CNTNAP2: variants seen among roughly 807,000 people sequenced by gnomAD.
CNTNAP2 encodes contactin associated protein 2.
In CNTNAP2, 98 loss-of-function variants were observed where a neutral mutation model predicts 155.2. That is an observed-to-expected ratio of 0.63 (90% CI 0.54 to 0.75). The LOEUF is 0.75. CNTNAP2 is among the 30% of genes least tolerant of loss of function. The pLI is 0.00. For synonymous variants in CNTNAP2, 651 were observed against 631.2 expected (o/e 1.03, Z -0.47); for missense variants, 1,727 against 1,688.1 (o/e 1.02, Z -0.40).
chr7:146,956,482 C>T (rs1182775308), intron 3 of CNTNAP2, among the ~76,000 whole-genome samples: 3 of 152,154 alleles, frequency 2.0e-5, no homozygotes, highest in Non-Finnish European at 4.4e-5. Context: ...CATTGGGTTT[C>T]AGCTGGGCTT....
In CNTNAP2 at chr7:147,286,018, C is replaced by T. The variant is rs182083215; in HGVS notation, c.1349-14123C>T. Among the ~76,000 whole-genome samples the T allele has an allele frequency of 1.6e-3, 249 of 152,030 alleles. 3 individuals are homozygous for T. The highest frequency in any genetic ancestry group is 5.7e-3 in the African/African-American group (238 of 41,488). On this transcript the variant is annotated intron_variant, in intron 8 of 23. Transcript: ENST00000361727. Reference sequence around the variant, plus strand: ...AGAAATTATAAATATGTACATAAAGCTATTTACATATCATTAGACCATACA... The same window carrying T: ...AGAAATTATAAATATGTACATAAAGTTATTTACATATCATTAGACCATACA...
intron 15 of CNTNAP2, among the ~76,000 whole-genome samples, chr7:148,009,146 T>C (rs1019608596): frequency 3.3e-5 from 5 of 152,214 alleles, no homozygotes; most frequent in Non-Finnish European, 7.4e-5. Context: ...TTAATACACC[T>C]AACCTACCAA....
chr7:146,293,785 A>G (rs1800469424), intron 1 of CNTNAP2, among the ~76,000 whole-genome samples: 1 of 152,184 alleles, frequency 6.6e-6, no homozygotes, highest in Non-Finnish European at 1.5e-5. Flanking sequence ...TATTATTAAT[A>G]TACTCTCAAA....
intron 1 of CNTNAP2, among the ~76,000 whole-genome samples, chr7:146,227,460 A>G (rs1038356313): frequency 1.3e-5 from 2 of 151,798 alleles, no homozygotes; most frequent in African/African-American, 2.4e-5. Flanking sequence ...GAAAAAGAAA[A>G]AAATCTTTAA....
chr7:147,944,057 G>A lies in CNTNAP2; in HGVS notation c.2256-33805G>A, dbSNP rs1800777322. Among the ~76,000 whole-genome samples the A allele has an allele frequency of 2.0e-5, 3 of 152,128 alleles. No individual in the cohort carries two copies. In the South Asian group the frequency reaches 6.2e-4, roughly 31 times the overall value. ...AAATGATGCCATCCTCAATGGGGAA[G>A]TTTCCCAGTCTATCAATCTCCATGC... On this transcript the variant is annotated intron_variant, in intron 14 of 23. Coordinates refer to ENST00000361727, the MANE Select transcript of CNTNAP2 (RefSeq NM_014141.6).
intron 1 of CNTNAP2, among the ~76,000 whole-genome samples, chr7:146,192,198 C>A (rs147206600): frequency 1.3e-5 from 2 of 152,098 alleles, no homozygotes; most frequent in Non-Finnish European, 2.9e-5. Context: ...CCACAACAAC[C>A]AATAACTTTA....
At chr7:147,498,216 G>A (rs1220578154) in intron 11 of CNTNAP2, among the ~76,000 whole-genome samples, 1 of 151,236 alleles carries the variant, frequency 6.6e-6, no homozygotes, top group African/African-American at 2.4e-5. Flanking sequence ...AGCTGACCAT[G>A]TGGCTGATTA....
At position 148,365,915 on chromosome 7, in the gene CNTNAP2, TGCATGTATACATGC is replaced by T. The variant is rs1363785049; in HGVS notation, c.3476-17732_3476-17719del. Among the ~76,000 whole-genome samples the T allele has an allele frequency of 2.9e-4, 4 of 13,778 alleles. 2 individuals carry two copies. Among genetic ancestry groups the T allele is most frequent in the Non-Finnish European group, 5.4e-4 (2 of 3,706 alleles). The allele number at this position is 13,778 out of a possible 152,430, so 9.0% of individuals were successfully genotyped here. A position where few individuals can be genotyped will look rare whatever the true frequency, so the allele number is the denominator to read the frequency against. On this transcript the variant is annotated intron_variant, in intron 21 of 23. Transcript: ENST00000361727. ...GTGTATGCATGTATACATGCGTGTATGCATGTATACATGCGTGTATGCATGTATACATGCGTGTA... is the reference window on the plus strand; with the variant it reads ...GTGTATGCATGTATACATGCGTGTATGTGTATGCATGTATACATGCGTGTA...
At chr7:148,060,360 T>G in intron 15 of CNTNAP2, among the ~76,000 whole-genome samples, 1 of 152,310 alleles carries the variant, frequency 6.6e-6, no homozygotes, top group Middle Eastern at 3.4e-3. Context: ...TATATTTACA[T>G]ACTATGTGTA....
chr7:146,466,954 A>G (rs1281372665), intron 1 of CNTNAP2, among the ~76,000 whole-genome samples: 1 of 152,174 alleles, frequency 6.6e-6, no homozygotes, highest in South Asian at 2.1e-4. Flanking sequence ...CCTCTTCAGT[A>G]ATATATTTTT....
rs111631350 is a variant in CNTNAP2 at position 147,404,818 on chromosome 7, A to G, written c.1670+9038A>G. Among the ~76,000 whole-genome samples, 73 of 152,292 alleles carry G rather than the reference A, an allele frequency of 4.8e-4. 1 individual carries two copies. The highest frequency in any genetic ancestry group is 1.7e-3 in the African/African-American group (71 of 41,574). ...AAGTATCACATACCCAGGCGAACCC[A>G]TGTTCAAGTCAGTTGCCTCTCTGAA... On this transcript the variant is annotated intron_variant, in intron 10 of 23. Transcript: ENST00000361727.
chr7:147,911,323 A>G (rs1563132488), intron 14 of CNTNAP2, among the ~76,000 whole-genome samples: 1 of 152,230 alleles, frequency 6.6e-6, no homozygotes, highest in Non-Finnish European at 1.5e-5. Context: ...CAGGGTTGCA[A>G]CATTTGCCAT....
At chr7:147,754,144 T>C (rs1433677420) in intron 13 of CNTNAP2, among the ~76,000 whole-genome samples, 1 of 152,122 alleles carries the variant, frequency 6.6e-6, no homozygotes, top group Non-Finnish European at 1.5e-5. Flanking sequence ...ATGAGACAAA[T>C]TGAAAATCAA....
At chr7:148,120,045 T>C (rs1363570353) in intron 16 of CNTNAP2, among the ~76,000 whole-genome samples, 1 of 151,702 alleles carries the variant, frequency 6.6e-6, no homozygotes, top group Non-Finnish European at 1.5e-5. Context: ...ATAAGTTGGA[T>C]CAAATTTTAG....
intron 13 of CNTNAP2, among the ~76,000 whole-genome samples, chr7:147,699,392 T>C (rs985445379): frequency 4.6e-5 from 7 of 151,262 alleles, no homozygotes; most frequent in Non-Finnish European, 1.0e-4. Context: ...TAAGTGGGAG[T>C]TGGACAATGA....
intron 1 of CNTNAP2, among the ~76,000 whole-genome samples, chr7:146,365,445 A>C (rs946811753): frequency 6.6e-6 from 1 of 152,162 alleles, no homozygotes; most frequent in African/African-American, 2.4e-5. Context: ...CTAAGCACTA[A>C]AACACTTATA....
intron 13 of CNTNAP2, among the ~76,000 whole-genome samples, chr7:147,901,135 C>T (rs144836125): frequency 1.0e-3 from 153 of 152,292 alleles, no homozygotes; most frequent in African/African-American, 3.3e-3. Flanking sequence ...CCAGCTATAA[C>T]TCCTGAACCT....
intron 5 of CNTNAP2, among the ~76,000 whole-genome samples, chr7:147,111,037 G>A (rs1230264621): frequency 6.6e-6 from 1 of 152,134 alleles, no homozygotes; most frequent in African/African-American, 2.4e-5. Flanking sequence ...ACCAGCATCT[G>A]TTGTTTTTTG....
intron 1 of CNTNAP2, among the ~76,000 whole-genome samples, chr7:146,297,226 G>A (rs560127141): frequency 6.6e-6 from 1 of 151,966 alleles, no homozygotes; most frequent in East Asian, 1.9e-4. Context: ...TAATTTCCCA[G>A]TGCATTTCCT....
Sources: allele counts gnomAD v4.1 joint callset (sites outside exome capture counted in the v4.1 genomes callset), GRCh38; gene constraint gnomAD v4.1.1; transcripts MANE v1.5; gene names NCBI Gene and HGNC (gene_info 2026-07-23, HGNC 2026-07-21).